Variants in RBFOX1 observed in about 807,000 individuals in gnomAD.
RBFOX1 encodes the protein RNA binding protein fox-1 homolog 1.
In RBFOX1, 8 loss-of-function variants were observed where a neutral mutation model predicts 57.7. The ratio of observed to expected loss-of-function variants is 0.14; its 90% CI spans 0.08 to 0.25. RBFOX1 has a LOEUF of 0.25. RBFOX1 is among the 10% of genes least tolerant of loss of function. The probability of loss-of-function intolerance (pLI) is 1.00; values close to 1 mark genes in which losing one functional copy is unlikely to be tolerated. For missense variants in RBFOX1, 611 were observed against 548.5 expected, an observed-to-expected ratio of 1.11 and a Z score of -1.14; for synonymous variants, 326 against 222.4, an observed-to-expected ratio of 1.47 and a Z score of -4.15.
At chr16:5,657,071 C>T (rs1323577243) in intron 3 of RBFOX1, among the ~76,000 whole-genome samples, 1 of 152,062 alleles carries the variant, frequency 6.6e-6, no homozygotes, top group African/African-American at 2.4e-5. Context: ...ACATGTTCTG[C>T]ACATGTATCC....
intron 1 of RBFOX1, among the ~76,000 whole-genome samples, chr16:5,415,240 G>T (rs2067130914): frequency 6.6e-6 from 1 of 152,182 alleles, no homozygotes; most frequent in African/African-American, 2.4e-5. Context: ...ATGGCAGAAG[G>T]TGAGGGGGAG....
chr16:6,333,356 C>T (rs2083269196), intron 2 of RBFOX1, among the ~76,000 whole-genome samples: 1 of 152,146 alleles, frequency 6.6e-6, no homozygotes, highest in Non-Finnish European at 1.5e-5. Context: ...GACATTCTTT[C>T]CTTTGCTATA....
At chr16:7,232,797 C>T (rs540256151) in intron 4 of RBFOX1, among the ~76,000 whole-genome samples, 9 of 148,680 alleles carry the variant, frequency 6.1e-5, no homozygotes, top group South Asian at 2.1e-4. Flanking sequence ...GCTGAGATCA[C>T]GCCATTGGTC....
chr16:6,720,049 A>G (rs377248702), intron 3 of RBFOX1, among the ~76,000 whole-genome samples: 1 of 152,020 alleles, frequency 6.6e-6, no homozygotes, highest in Non-Finnish European at 1.5e-5. Context: ...AGCCAAGATC[A>G]TGCCACTGCA....
chr16:5,494,065 AT>A (rs1021155536), intron 2 of RBFOX1, among the ~76,000 whole-genome samples: 5 of 152,180 alleles, frequency 3.3e-5, no homozygotes, highest in African/African-American at 1.2e-4. Context: ...GTGGGGTCCC[AT>A]TTCAATGACG....
chr16:5,991,092 C>A (rs377543337), intron 4 of RBFOX1, among the ~76,000 whole-genome samples: 6 of 152,324 alleles, frequency 3.9e-5, no homozygotes, highest in African/African-American at 1.4e-4. Flanking sequence ...TGAAAGCATT[C>A]TTTGTGTGCT....
intron 4 of RBFOX1, among the ~76,000 whole-genome samples, chr16:7,405,318 G>C (rs2098321833): frequency 6.6e-6 from 1 of 152,214 alleles, no homozygotes; most frequent in African/African-American, 2.4e-5. Context: ...GCAAACCTTT[G>C]CCGCTGGAAA....
intron 4 of RBFOX1, among the ~76,000 whole-genome samples, chr16:5,904,682 G>A (rs1441380927): frequency 1.3e-5 from 2 of 152,060 alleles, no homozygotes; most frequent in Non-Finnish European, 2.9e-5. Flanking sequence ...GCATCTTGAA[G>A]AGATAATCAG....
chr16:6,673,353 C>A (rs2098779703), intron 3 of RBFOX1, among the ~76,000 whole-genome samples: 1 of 152,102 alleles, frequency 6.6e-6, no homozygotes, highest in Non-Finnish European at 1.5e-5. Flanking sequence ...TTTGGGAGGC[C>A]TAGGTGGGTG....
rs568537336 is a variant in RBFOX1 at position 7,190,305 on chromosome 16, G to A, written c.27+138207G>A. ...ACGCAGGAGGCGGAGGTTGCAGTGA[G>A]CTGAGATCACACCACCGTACTCCAG... On this transcript the variant is annotated intron_variant, in intron 4 of 15. Coordinates refer to ENST00000550418, the MANE Select transcript of RBFOX1 (RefSeq NM_018723.4). Among the ~76,000 whole-genome samples, 5 of 152,254 alleles carry A rather than the reference G, an allele frequency of 3.3e-5. 1 individual carries two copies. The South Asian group carries it at 1.0e-3, about 32-fold the overall frequency.
intron 4 of RBFOX1, among the ~76,000 whole-genome samples, chr16:7,053,593 A>G (rs569495483): frequency 6.6e-6 from 1 of 152,330 alleles, no homozygotes; most frequent in African/African-American, 2.4e-5. Context: ...TGCAAATGAC[A>G]CTTGCTTGGC....
intron 4 of RBFOX1, among the ~76,000 whole-genome samples, chr16:6,006,462 G>A (rs574538730): frequency 6.6e-6 from 1 of 152,300 alleles, no homozygotes; most frequent in South Asian, 2.1e-4. Flanking sequence ...CTATTGGAGG[G>A]CATTTTGATG....
chr16:6,954,832 G>C (rs1263757589), intron 3 of RBFOX1, among the ~76,000 whole-genome samples: 2 of 152,116 alleles, frequency 1.3e-5, no homozygotes, highest in East Asian at 3.9e-4. Flanking sequence ...CTGTGGATTA[G>C]CAACTTTATA....
At chr16:6,209,757 G>T (rs1271908871) in intron 1 of RBFOX1, among the ~76,000 whole-genome samples, 2 of 152,174 alleles carry the variant, frequency 1.3e-5, no homozygotes, top group Non-Finnish European at 2.9e-5. Context: ...CTGGAAGCAG[G>T]TCGTGAACCA....
rs150210349 is a variant in RBFOX1, at chr16:7,198,390, C to T, written c.27+146292C>T. 5.5e-3 allele frequency among the ~76,000 whole-genome samples: 843 copies of T among 152,292 alleles called. 6 individuals are homozygous for T. Among genetic ancestry groups the T allele is most frequent in the Non-Finnish European group, 8.7e-3 (591 of 68,034 alleles). ...GTAGTTGTGCAACATTGTGAATGTA[C>T]TAAATGCTACTCATTTGTACACTTA... On this transcript the variant is annotated intron_variant, in intron 4 of 15. Transcript: ENST00000550418.
chr16:5,325,912 C>T (rs2064556612), intron 1 of RBFOX1, among the ~76,000 whole-genome samples: 1 of 152,140 alleles, frequency 6.6e-6, no homozygotes, highest in South Asian at 2.1e-4. Context: ...TTTGTTTAAA[C>T]ATAAGTTTTC....
intron 11 of RBFOX1, among the ~76,000 whole-genome samples, chr16:7,649,619 G>A (rs963295970): frequency 6.6e-6 from 1 of 152,262 alleles, no homozygotes; most frequent in East Asian, 1.9e-4. Context: ...ATAGAAGGTG[G>A]ACAGTGAAGA....
intron 10 of RBFOX1, among the ~76,000 whole-genome samples, chr16:7,622,562 A>G (rs2059469271): frequency 6.6e-6 from 1 of 152,204 alleles, no homozygotes; most frequent in Non-Finnish European, 1.5e-5. Context: ...TGACTTTTCC[A>G]AAAAGTCTCA....
At chr16:7,578,786 A>G (rs1483486005) in intron 5 of RBFOX1, among the ~76,000 whole-genome samples, 1 of 150,678 alleles carries the variant, frequency 6.6e-6, no homozygotes, top group Non-Finnish European at 1.5e-5. Flanking sequence ...GCAGAGAAGT[A>G]TCAAATGCTA....
Sources: gnomAD v4.1 joint callset for allele counts (sites outside exome capture counted in the v4.1 genomes callset) on GRCh38, gnomAD v4.1.1 for gene constraint, MANE v1.5 for transcripts, NCBI Gene and HGNC (gene_info 2026-07-23, HGNC 2026-07-21) for gene names.